Variants in SHANK2 observed in about 807,000 individuals in gnomAD.
SHANK2 encodes the protein SH3 and multiple ankyrin repeat domains protein 2.
In SHANK2, 43 loss-of-function variants were observed where a neutral mutation model predicts 133.7. The observed-to-expected ratio is 0.32, with a 90% CI of 0.25 to 0.41. The LOEUF (loss-of-function observed/expected upper bound fraction) is 0.41. Ranked by LOEUF, SHANK2 falls within the 10% of genes least tolerant of loss-of-function variation. The pLI is 1.00. For synonymous variants in SHANK2, 1,017 were observed against 952.8 expected, an observed-to-expected ratio of 1.07 and a Z score of -1.24; for missense variants, 1,994 against 2,235.8, an observed-to-expected ratio of 0.89 and a Z score of 2.18.
At position 70,909,195 on chromosome 11, in the gene SHANK2, GA is replaced by G. The variant is rs1482501385; in HGVS notation, c.1108-12629del. Among the ~76,000 whole-genome samples the G allele has an allele frequency of 3.9e-5, 6 of 152,360 alleles. No homozygotes were observed. In the South Asian group the frequency reaches 1.0e-3, roughly 26 times the overall value. On this transcript the variant is annotated intron_variant, in intron 10 of 25. Transcript: ENST00000601538. ...TCATTTGCTCCCAGAAATCTTGATA[GA>G]AAAGCAACAGTTCTTTGATGTTTGC...
intron 17 of SHANK2, among the ~76,000 whole-genome samples, chr11:70,627,970 T>C (rs1181456559): frequency 5.3e-5 from 8 of 152,196 alleles, no homozygotes; most frequent in Admixed American, 3.9e-4. Context: ...TGTTTTTTGT[T>C]TTTTTTTGAA....
intron 1 of SHANK2, among the ~76,000 whole-genome samples, chr11:71,225,515 G>A (rs186831794): frequency 8.5e-5 from 13 of 152,242 alleles, no homozygotes; most frequent in South Asian, 4.2e-4. Context: ...TGGAAGTGGC[G>A]TCAGGAAAAG....
Position 71,074,848 on chromosome 11 carries a change from C to T in SHANK2, c.1029+311G>A, listed in dbSNP as rs1046659415. On this transcript the variant is annotated intron_variant, in intron 9 of 25. Coordinates refer to ENST00000601538, the MANE Select transcript of SHANK2 (RefSeq NM_012309.5). Reference sequence around the variant, plus strand: ...AGGCTGGAGTGCAGTGGCACGGTCTCGGCTCACTGCAAGCTCCGCCTCCTG... The same window carrying T: ...AGGCTGGAGTGCAGTGGCACGGTCTTGGCTCACTGCAAGCTCCGCCTCCTG... Among the ~76,000 whole-genome samples the T allele has an allele frequency of 6.8e-5, 10 of 146,114 alleles. No homozygotes were observed. In the East Asian group the frequency reaches 1.6e-3, roughly 24 times the overall value.
rs1310079963 is a variant in SHANK2, at chr11:70,468,242, T to A, written c.*4627A>T. 6.6e-6 allele frequency: 1 copy of A among 152,084 alleles called. No homozygotes were observed. Among genetic ancestry groups the A allele is most frequent in the Non-Finnish European group, 1.5e-5 (1 of 68,026 alleles). 9.4% of individuals were successfully genotyped at this position (152,084 alleles called of 1,614,324 possible). A position where few individuals can be genotyped will look rare whatever the true frequency, so the allele number is the denominator to read the frequency against. Reference sequence around the variant, plus strand: ...ATGAACAAAGAGTTCCAGAGTGGAATCAATGGACAGGGATTGTTGTAATTT... The same window carrying A: ...ATGAACAAAGAGTTCCAGAGTGGAAACAATGGACAGGGATTGTTGTAATTT... On this transcript the variant is annotated 3_prime_UTR_variant, in exon 26 of 26. Coordinates refer to ENST00000601538, the MANE Select transcript of SHANK2 (RefSeq NM_012309.5).
intron 10 of SHANK2, chr11:70,911,137 CTGTTT>C (rs2135723860): frequency 2.2e-6 from 1 of 456,722 alleles, no homozygotes; most frequent in East Asian, 6.9e-5. Context: ...ATTTTTTGTA[CTGTTT>C]TAATTCAGCT....
At chr11:70,646,136 G>A (rs2061257208) in intron 17 of SHANK2, 1 of 152,272 alleles carries the variant, frequency 6.6e-6, no homozygotes, top group South Asian at 2.1e-4. Flanking sequence ...GTGGCGGCAA[G>A]GGCAGCGTTT....
At chr11:70,586,455 C>G (rs1339047089) in intron 17 of SHANK2, among the ~76,000 whole-genome samples, 3 of 152,148 alleles carry the variant, frequency 2.0e-5, no homozygotes, top group African/African-American at 7.2e-5. Context: ...GTGGCCGGGG[C>G]TAGTGGCAAG....
chr11:71,079,795 A>AAG (rs1460170674), intron 8 of SHANK2, among the ~76,000 whole-genome samples: 2 of 140,700 alleles, frequency 1.4e-5, no homozygotes, highest in African/African-American at 2.7e-5. Flanking sequence ...AAAGAGAGAG[A>AAG]AGAGAGAGAG....
chr11:71,235,750 G>T (rs1373299588), intron 1 of SHANK2, among the ~76,000 whole-genome samples: 1 of 152,166 alleles, frequency 6.6e-6, no homozygotes, highest in African/African-American at 2.4e-5. Flanking sequence ...CCATGTACAG[G>T]CATGCAGCAG....
intron 17 of SHANK2, among the ~76,000 whole-genome samples, chr11:70,517,470 T>C (rs559194906): frequency 6.6e-6 from 1 of 152,312 alleles, no homozygotes; most frequent in African/African-American, 2.4e-5. Context: ...CAGATGTCTT[T>C]TGAGAGGTGA....
intron 17 of SHANK2, among the ~76,000 whole-genome samples, chr11:70,504,427 A>G (rs1255913068): frequency 3.1e-5 from 4 of 128,910 alleles, no homozygotes; most frequent in African/African-American, 1.0e-4. Context: ...GAGGTCCTCC[A>G]GGCAGGGCTG....
intron 14 of SHANK2, among the ~76,000 whole-genome samples, chr11:70,765,248 G>T (rs1947095258): frequency 6.6e-6 from 1 of 152,228 alleles, no homozygotes; most frequent in African/African-American, 2.4e-5. Flanking sequence ...TTCAGGTCTG[G>T]TCAAAGGGTT....
chr11:71,212,577 G>T (rs912569120), intron 2 of SHANK2, among the ~76,000 whole-genome samples: 2 of 152,196 alleles, frequency 1.3e-5, no homozygotes, highest in African/African-American at 4.8e-5. Flanking sequence ...CCCATTCCAC[G>T]AGAAAGGGCT....
At chr11:70,894,988 T>C (rs1277676833) in intron 11 of SHANK2, among the ~76,000 whole-genome samples, 2 of 152,228 alleles carry the variant, frequency 1.3e-5, no homozygotes, top group African/African-American at 4.8e-5. Context: ...TTCTAAATCA[T>C]TTTGCAGACA....
rs556445600 is a variant in SHANK2, at chr11:71,147,321, C to T, written c.6G>A (p.Pro2=). The T allele has an allele frequency of 1.7e-5, 27 of 1,547,764 alleles. No individual in the cohort carries two copies. Among genetic ancestry groups the T allele is most frequent in the Non-Finnish European group, 1.7e-5 (20 of 1,144,568 alleles). ...CGTCCTCGCTGGATGTTGGGCTGCG[C>T]GGCATGGCTGCCTGTGTCTTCGAGG... M[P]RSPTSSEDEM... is the part of the protein sequence containing the mutation. The change falls in exon 3 of 26, where the codon CCG becomes CCA. Residue 2 remains proline, a synonymous_variant. Transcript: ENST00000601538.
chr11:70,482,197 TA>T (rs2058744194), intron 25 of SHANK2, among the ~76,000 whole-genome samples: 1 of 152,252 alleles, frequency 6.6e-6, no homozygotes, highest in Non-Finnish European at 1.5e-5. Context: ...ACTCTGAGTG[TA>T]AAGTGTAACC....
intron 17 of SHANK2, among the ~76,000 whole-genome samples, chr11:70,615,716 C>T (rs1403273680): frequency 6.6e-6 from 1 of 152,166 alleles, no homozygotes; most frequent in Non-Finnish European, 1.5e-5. Context: ...TGGTAAGCGG[C>T]GCGTGGTGAA....
chr11:70,539,456 G>T (rs1301873985), intron 17 of SHANK2, among the ~76,000 whole-genome samples: 2 of 103,358 alleles, frequency 1.9e-5, no homozygotes, highest in East Asian at 5.5e-4. Context: ...GTGACACCGC[G>T]GTCTGGGGGG....
At chr11:71,147,695 C>A (rs1952684305) in intron 2 of SHANK2, among the ~76,000 whole-genome samples, 1 of 152,194 alleles carries the variant, frequency 6.6e-6, no homozygotes, top group African/African-American at 2.4e-5. Context: ...GCCACTGGGG[C>A]TGTCTGAGCT....
Sources: gnomAD v4.1 joint callset for allele counts (sites outside exome capture counted in the v4.1 genomes callset) on GRCh38, gnomAD v4.1.1 for gene constraint, MANE v1.5 for transcripts, NCBI Gene and HGNC (gene_info 2026-07-23, HGNC 2026-07-21) for gene names.